Variants in STAU1 observed in about 807,000 individuals in gnomAD.
STAU1 encodes the protein staufen double-stranded RNA binding protein 1.
A neutral mutation model predicts 62.9 loss-of-function variants in STAU1; 13 were observed. The ratio of observed to expected loss-of-function variants is 0.21; its 90% confidence interval spans 0.13 to 0.33. The LOEUF is 0.33. STAU1 is among the 10% of genes least tolerant of loss of function. The pLI, the probability that STAU1 is intolerant of heterozygous loss-of-function variation, is 1.00. For synonymous variants in STAU1, 269 were observed against 265.1 expected (o/e 1.01, Z -0.14); for missense variants, 571 against 712.1 (o/e 0.80, Z 2.25).
intron 1 of STAU1, among the ~76,000 whole-genome samples, chr20:49,174,993 A>G (rs904085371): frequency 2.0e-5 from 3 of 151,098 alleles, no homozygotes; most frequent in African/African-American, 7.3e-5. Context: ...ACCCATCTCT[A>G]CTAAAAATAC....
At chr20:49,148,795 C>T (rs754995361) in intron 5 of STAU1, among the ~76,000 whole-genome samples, 3 of 152,164 alleles carry the variant, frequency 2.0e-5, no homozygotes, top group South Asian at 4.1e-4. Context: ...TGAGTGAAGG[C>T]GGGAGACTCA....
chr20:49,170,570 C>T (rs1351668959), intron 2 of STAU1, among the ~76,000 whole-genome samples: 5 of 152,154 alleles, frequency 3.3e-5, no homozygotes, highest in Admixed American at 6.6e-5. Flanking sequence ...TCAGGCTGGT[C>T]TTTAACTCCT....
chr20:49,182,671 T>C (rs1405777504), intron 1 of STAU1, among the ~76,000 whole-genome samples: 3 of 152,048 alleles, frequency 2.0e-5, no homozygotes, highest in East Asian at 3.9e-4. Context: ...ACCCCATCTC[T>C]ACTAAAAACA....
chr20:49,183,043 T>C (rs1464956894), intron 1 of STAU1, among the ~76,000 whole-genome samples: 1 of 152,186 alleles, frequency 6.6e-6, no homozygotes, highest in Admixed American at 6.5e-5. Flanking sequence ...ACTGGCAATT[T>C]ATATTTTTTG....
At chr20:49,187,890 G>A (rs899136693) in intron 1 of STAU1, among the ~76,000 whole-genome samples, 1 of 151,912 alleles carries the variant, frequency 6.6e-6, no homozygotes, top group African/African-American at 2.4e-5. Context: ...GGTGAGGGCT[G>A]GAGGGGATGG....
the STAU1 span, among the ~76,000 whole-genome samples, chr20:49,206,579 G>A: frequency 6.9e-6 from 1 of 145,066 alleles, no homozygotes; most frequent in Non-Finnish European, 1.5e-5. Flanking sequence ...GCATGGTCAT[G>A]GTTTACTGTA....
Position 49,155,410 on chromosome 20 carries a change from T to C in STAU1, c.206-1339A>G, listed in dbSNP as rs2093342059. 2.6e-5 allele frequency among the ~76,000 whole-genome samples: 4 copies of C among 152,166 alleles called. No homozygotes were observed. The South Asian group carries it at 8.3e-4, about 32-fold the overall frequency. ...TCCAATTTTTTTTTCTTTCAGTTCA[T>C]CCAATCCATAAACCTTTAAAAACCA... On this transcript the variant is annotated intron_variant, in intron 3 of 13. Coordinates refer to ENST00000371856, the MANE Select transcript of STAU1 (RefSeq NM_017453.4).
intron 6 of STAU1, chr20:49,135,059 T>C: frequency 1.5e-6 from 2 of 1,320,364 alleles, no homozygotes; most frequent in Non-Finnish European, 1.1e-6. Context: ...CTGGGCAGCA[T>C]TTTCCAGCAA....
chr20:49,142,535 C>T (rs184389811), intron 5 of STAU1, among the ~76,000 whole-genome samples: 67 of 152,312 alleles, frequency 4.4e-4, no homozygotes, highest in African/African-American at 1.6e-3. Flanking sequence ...TTCTCAACCA[C>T]AGCAGCACTA....
intron 1 of STAU1, among the ~76,000 whole-genome samples, chr20:49,182,567 A>G (rs1490050160): frequency 6.6e-6 from 1 of 152,218 alleles, no homozygotes; most frequent in Non-Finnish European, 1.5e-5. Flanking sequence ...TGCCGGGCAC[A>G]GTGGCTCACG....
At chr20:49,196,139 G>C in the STAU1 span, among the ~76,000 whole-genome samples, 2 of 134,412 alleles carry the variant, frequency 1.5e-5, no homozygotes, top group South Asian at 4.8e-4. Context: ...AAAAAAGAAA[G>C]AAAGAGAAAA....
Position 49,153,994 on chromosome 20 carries a change from G to A in STAU1, c.283C>T (p.Pro95Ser), listed in dbSNP as rs2093313683. Residue 95 changes from proline to serine, a missense_variant, in exon 4 of 14, where the codon CCT becomes TCT. Physicochemically the swap from Pro to Ser is moderately conservative, Grantham distance 74 (BLOSUM62 -1). Around this residue, in one of 3 missense-constraint regions of STAU1, gnomAD observed 414 missense variants for 499.6 expected, o/e 0.83. Coordinates refer to ENST00000371856, the MANE Select transcript of STAU1 (RefSeq NM_017453.4). ...GKKPMYKPVD[P>S]YSRMQSTYNY... ...TAGGTGGACTGCATCCGAGAGTAAG[G>A]GTCAACAGGCTTATACATTGGTTTT... 6.2e-7 allele frequency: 1 copy of A among 1,613,564 alleles called. No homozygotes were observed. The highest frequency in any genetic ancestry group is 8.5e-7 in the Non-Finnish European group (1 of 1,179,898).
intron 1 of STAU1, among the ~76,000 whole-genome samples, chr20:49,187,226 A>G (rs348288): frequency 0.73 from 111,509 of 152,054 alleles, 41,756 homozygotes; most frequent in African/African-American, 0.88. Context: ...CGGGGCGGGG[A>G]GAAATGGACA....
chr20:49,155,905 G>A (rs962215859), intron 3 of STAU1, among the ~76,000 whole-genome samples: 7 of 152,018 alleles, frequency 4.6e-5, no homozygotes, highest in African/African-American at 1.7e-4. Context: ...TCCTACATAC[G>A]AAGACCTGGG....
chr20:49,115,983 T>C, intron 12 of STAU1, 116 bp from the exon 13 acceptor site: 1 of 732,134 alleles, frequency 1.4e-6, no homozygotes, highest in Non-Finnish European at 2.4e-6. Flanking sequence ...GGCAACTTCT[T>C]CAACTCTGGT....
the STAU1 span, among the ~76,000 whole-genome samples, chr20:49,193,995 C>T: frequency 6.6e-6 from 1 of 151,278 alleles, no homozygotes; most frequent in Non-Finnish European, 1.5e-5. Flanking sequence ...AGTGGTATTT[C>T]AAATTGGTGA....
chr20:49,157,038 G>C (rs936793543), intron 3 of STAU1, among the ~76,000 whole-genome samples: 1 of 151,486 alleles, frequency 6.6e-6, no homozygotes, highest in Non-Finnish European at 1.5e-5. Context: ...CACCATGCCC[G>C]GCTAATTTCT....
At chr20:49,143,925 C>G (rs943068106) in intron 5 of STAU1, among the ~76,000 whole-genome samples, 11 of 152,212 alleles carry the variant, frequency 7.2e-5, no homozygotes, top group African/African-American at 2.7e-4. Flanking sequence ...TGGGGCACAG[C>G]CCACCTGTAG....
the STAU1 span, among the ~76,000 whole-genome samples, chr20:49,196,658 C>T: frequency 6.6e-6 from 1 of 151,366 alleles, no homozygotes; most frequent in Admixed American, 6.6e-5. Context: ...CCCAGCTCCT[C>T]TCGAGGGGAG....
Sources: allele counts gnomAD v4.1 joint callset (sites outside exome capture counted in the v4.1 genomes callset), GRCh38; gene constraint gnomAD v4.1.1; regional missense constraint gnomAD v4.1.1; transcripts MANE v1.5; gene names NCBI Gene and HGNC (gene_info 2026-07-23, HGNC 2026-07-21).